Variants in RBFOX1 observed in about 807,000 individuals in gnomAD.
The protein encoded by RBFOX1 is RNA binding protein fox-1 homolog 1.
In RBFOX1, 8 loss-of-function variants were observed where a neutral mutation model predicts 57.7. That is an observed-to-expected ratio of 0.14 (90% CI 0.08 to 0.25). The LOEUF (loss-of-function observed/expected upper bound fraction) is 0.25. RBFOX1 is among the 10% of genes least tolerant of loss of function. The pLI, the probability that RBFOX1 is intolerant of heterozygous loss-of-function variation, is 1.00. For missense variants in RBFOX1, 611 were observed against 548.5 expected (o/e 1.11, Z -1.14); for synonymous variants, 326 against 222.4 (o/e 1.47, Z -4.15).
intron 3 of RBFOX1, among the ~76,000 whole-genome samples, chr16:6,979,886 G>C (rs2088203022): frequency 6.6e-6 from 1 of 152,112 alleles, no homozygotes; most frequent in Admixed American, 6.5e-5. Flanking sequence ...GGGCATCTAG[G>C]TGTGGCCACA....
Position 5,766,086 on chromosome 16 carries a change from G to A in RBFOX1, c.319-101217G>A, listed in dbSNP as rs1026000805. Among the ~76,000 whole-genome samples, 3 of 152,162 alleles carry A rather than the reference G, an allele frequency of 2.0e-5. No homozygotes were observed. The South Asian group carries it at 6.2e-4, about 32-fold the overall frequency. Reference sequence around the variant, plus strand: ...CAATAGCTCAGAGTTCTGTCCTCCCGACCAAGGAATACTCAAGGTTTTTGA... The same window carrying A: ...CAATAGCTCAGAGTTCTGTCCTCCCAACCAAGGAATACTCAAGGTTTTTGA... On this transcript the variant is annotated intron_variant, in intron 3 of 19. Transcript: ENST00000641259.
At position 5,401,384 on chromosome 16, in the gene RBFOX1, C is replaced by T. The variant is rs1281357523; in HGVS notation, c.220-65832C>T. On this transcript the variant is annotated intron_variant, in intron 1 of 2. Coordinates refer to the RBFOX1 transcript ENST00000585867. ...ATGATCAATGTTCCTGTTTATGCTCCGGTGTGGTTCAGCAATGTCCGTGCT... is the reference window on the plus strand; with the variant it reads ...ATGATCAATGTTCCTGTTTATGCTCTGGTGTGGTTCAGCAATGTCCGTGCT... Among the ~76,000 whole-genome samples, 14 of 152,146 alleles carry T rather than the reference C, an allele frequency of 9.2e-5. No individual in the cohort carries two copies. In the East Asian group the frequency reaches 1.5e-3, roughly 17 times the overall value.
intron 2 of RBFOX1, among the ~76,000 whole-genome samples, chr16:6,492,612 T>C (rs2095658641): frequency 6.6e-6 from 1 of 152,114 alleles, no homozygotes; most frequent in Admixed American, 6.6e-5. Flanking sequence ...AAGTATGTAC[T>C]TTTGACCCAG....
intron 4 of RBFOX1, among the ~76,000 whole-genome samples, chr16:7,422,625 C>T (rs117164027): frequency 0.032 from 4,872 of 152,118 alleles, 125 homozygotes; most frequent in Admixed American, 0.049. Flanking sequence ...TTTCATCTTC[C>T]AGGGGTTTGT....
chr16:6,513,936 G>A (rs1221044729), intron 2 of RBFOX1, among the ~76,000 whole-genome samples: 1 of 152,110 alleles, frequency 6.6e-6, no homozygotes, highest in Non-Finnish European at 1.5e-5. Flanking sequence ...ACGGGCTGAT[G>A]GGAAGAACAG....
At chr16:6,882,038 G>A (rs1472459626) in intron 3 of RBFOX1, among the ~76,000 whole-genome samples, 2 of 152,098 alleles carry the variant, frequency 1.3e-5, no homozygotes, top group Admixed American at 6.6e-5. Flanking sequence ...CTTCATTTCT[G>A]GAAAAATGGT....
intron 3 of RBFOX1, among the ~76,000 whole-genome samples, chr16:7,046,017 A>T (rs1597950331): frequency 1.3e-5 from 2 of 152,288 alleles, no homozygotes; most frequent in South Asian, 2.1e-4. Flanking sequence ...ATACATTTTT[A>T]AAAACACTTG....
In RBFOX1 at chr16:6,450,779, A is replaced by ACATATACATATATATATG. The variant is rs1410405257; in HGVS notation, c.-64+133722_-64+133723insCATATACATATATATATG. On this transcript the variant is annotated intron_variant, in intron 2 of 15. Transcript: ENST00000550418. ...CATATATATATGTGTATATATATATATATATATATACATATATATATGTAT... is the reference window on the plus strand; with the variant it reads ...CATATATATATGTGTATATATATATACATATACATATATATATGTATATATATACATATATATATGTAT... Among the ~76,000 whole-genome samples, 32 of 59,666 alleles carry ACATATACATATATATATG rather than the reference A, an allele frequency of 5.4e-4. 6 individuals carry two copies. In the South Asian group the frequency reaches 6.2e-3, roughly 12 times the overall value. 39.1% of individuals were successfully genotyped at this position (59,666 alleles called of 152,430 possible). A position where few individuals can be genotyped will look rare whatever the true frequency, so the allele number is the denominator to read the frequency against.
chr16:6,212,001 C>A (rs952292893), intron 1 of RBFOX1, among the ~76,000 whole-genome samples: 1 of 152,038 alleles, frequency 6.6e-6, no homozygotes, highest in African/African-American at 2.4e-5. Context: ...AGGCACACAG[C>A]GCCATGCCTG....
At chr16:7,658,687 A>G (rs1231363393) in intron 12 of RBFOX1, among the ~76,000 whole-genome samples, 1 of 152,164 alleles carries the variant, frequency 6.6e-6, no homozygotes, top group Non-Finnish European at 1.5e-5. Context: ...GGTACCGTGC[A>G]TATTTCATGT....
intron 10 of RBFOX1, among the ~76,000 whole-genome samples, chr16:7,623,815 C>G (rs945659553): frequency 2.6e-5 from 4 of 152,172 alleles, no homozygotes; most frequent in African/African-American, 9.7e-5. Flanking sequence ...CATCTTTTCT[C>G]TGTCTTCACC....
At chr16:5,615,383 C>T (rs570710421) in intron 3 of RBFOX1, among the ~76,000 whole-genome samples, 50 of 152,306 alleles carry the variant, frequency 3.3e-4, no homozygotes, top group African/African-American at 1.2e-3. Context: ...TTGATGTGTG[C>T]TTGATAGACC....
chr16:5,837,606 C>G (rs951891967), intron 3 of RBFOX1, among the ~76,000 whole-genome samples: 6 of 143,772 alleles, frequency 4.2e-5, no homozygotes, highest in African/African-American at 1.5e-4. Flanking sequence ...CCAGCCCCCT[C>G]TTTTTTTTTT....
intron 1 of RBFOX1, among the ~76,000 whole-genome samples, chr16:6,224,361 A>G (rs112729641): frequency 3.9e-5 from 6 of 152,142 alleles, no homozygotes; most frequent in African/African-American, 1.4e-4. Flanking sequence ...TTCTGTTTGT[A>G]TCCTTTTTTA....
At chr16:6,731,377 G>C (rs1312937394) in intron 3 of RBFOX1, among the ~76,000 whole-genome samples, 1 of 152,106 alleles carries the variant, frequency 6.6e-6, no homozygotes, top group Non-Finnish European at 1.5e-5. Flanking sequence ...CTATACTTTA[G>C]AAACAGGGGA....
chr16:5,809,851 C>T (rs560782145), intron 3 of RBFOX1, among the ~76,000 whole-genome samples: 145 of 152,078 alleles, frequency 9.5e-4, no homozygotes, highest in African/African-American at 2.2e-3. Flanking sequence ...CTATAAATCA[C>T]GCTGCTATAA....
intron 4 of RBFOX1, among the ~76,000 whole-genome samples, chr16:5,956,673 TA>T (rs1210438952): frequency 1.5e-3 from 81 of 54,442 alleles, no homozygotes; most frequent in Admixed American, 2.1e-3. Flanking sequence ...TATATATATA[TA>T]TATATTTTTT....
intron 4 of RBFOX1, among the ~76,000 whole-genome samples, chr16:7,386,597 T>C (rs372546582): frequency 7.2e-5 from 11 of 152,216 alleles, no homozygotes; most frequent in Non-Finnish European, 1.6e-4. Context: ...GGTGTATATG[T>C]GCCACATTTT....
At chr16:7,284,229 G>T (rs143339455) in intron 4 of RBFOX1, among the ~76,000 whole-genome samples, 1 of 152,214 alleles carries the variant, frequency 6.6e-6, no homozygotes, top group African/African-American at 2.4e-5. Context: ...AACAGTTGCT[G>T]TAAGCATTTA....
Sources: allele counts gnomAD v4.1 joint callset (sites outside exome capture counted in the v4.1 genomes callset), GRCh38; gene constraint gnomAD v4.1.1; transcripts MANE v1.5; gene names NCBI Gene and HGNC (gene_info 2026-07-23, HGNC 2026-07-21).